The following GIGYF2 variants were observed in gnomAD, a reference collection of about 807,000 sequenced individuals.
The protein encoded by GIGYF2 is GRB10-interacting GYF protein 2.
Under a neutral mutation model 208.1 loss-of-function variants are expected in GIGYF2, and 25 were observed. That is an observed-to-expected ratio of 0.12 (90% CI 0.09 to 0.17). The LOEUF is 0.17. Ranked by LOEUF, GIGYF2 falls within the 10% of genes least tolerant of loss-of-function variation. GIGYF2 has a pLI of 1.00. For missense variants in GIGYF2, 1,302 were observed against 1,579.4 expected (o/e 0.82, Z 2.98); for synonymous variants, 534 against 543.8 (o/e 0.98, Z 0.25).
chr2:232,700,864 G>T (rs1319717264), intron 1 of GIGYF2, among the ~76,000 whole-genome samples: 2 of 152,084 alleles, frequency 1.3e-5, no homozygotes, highest in Non-Finnish European at 2.9e-5. Context: ...TTTAAAATAA[G>T]ATAAAAAAGT....
chr2:232,768,744 ACTG>A (rs1433092922), intron 8 of GIGYF2: 3 of 1,601,512 alleles, frequency 1.9e-6, no homozygotes, highest in African/African-American at 1.3e-5. Flanking sequence ...GTGAGCTACT[ACTG>A]CTGTGTCAGT....
At chr2:232,760,080 C>T in intron 6 of GIGYF2, 1 of 167,102 alleles carries the variant, frequency 6.0e-6, no homozygotes, top group Non-Finnish European at 1.3e-5. Flanking sequence ...TAACTTTAGC[C>T]CCTGTCTTCT....
intron 14 of GIGYF2, among the ~76,000 whole-genome samples, chr2:232,798,828 A>G (rs1249146160): frequency 6.6e-6 from 1 of 151,506 alleles, no homozygotes; most frequent in Non-Finnish European, 1.5e-5. Context: ...GTTAAAATAC[A>G]CTTAAAATTT....
Position 232,809,774 on chromosome 2 carries a change from C to G in GIGYF2, c.1861C>G (p.Gln621Glu). The G allele has an allele frequency of 6.2e-7, 1 of 1,609,400 alleles. No homozygotes were observed. Among genetic ancestry groups the G allele is most frequent in the East Asian group, 2.2e-5 (1 of 44,854 alleles). ...GCAGCAAGAACTCACAGCCTTATAC[C>G]AGATGCAGCACCTGCAGTACCAGCA... ...TRQQELTALY[Q>E]MQHLQYQQFL... Residue 621 changes from glutamine (Q) to glutamate (E), a missense_variant, in exon 16 of 29, where the codon CAG (glutamine) becomes GAG (glutamate). This residue lies in a region of GIGYF2 where 701 missense variants were observed against 793.0 expected (regional missense o/e 0.88). Coordinates refer to ENST00000373563, the MANE Select transcript of GIGYF2 (RefSeq NM_001103146.3).
Position 232,816,980 on chromosome 2 carries a change from A to C in GIGYF2, c.2318A>C (p.Gln773Pro), listed in dbSNP as rs1476906578. 1 of 1,613,130 alleles carries C rather than the reference A, an allele frequency of 6.2e-7. No homozygotes were observed. The highest frequency in any genetic ancestry group is 8.5e-7 in the Non-Finnish European group (1 of 1,179,182). Residue 773 changes from glutamine to proline, a missense_variant, in exon 20 of 29, where the codon CAG becomes CCG. Physicochemically the swap from Gln to Pro is moderately conservative, Grantham distance 76. Around this residue, in one of 8 missense-constraint regions of GIGYF2, gnomAD observed 701 missense variants for 793.0 expected, o/e 0.88. Coordinates refer to ENST00000373563, the MANE Select transcript of GIGYF2 (RefSeq NM_001103146.3). ...CAGGAGGAAATTCTTCGGCGACAGCAGGAAGAAGAAAGGAAAAGGCGAGAG... is the reference window on the plus strand; with the variant it reads ...CAGGAGGAAATTCTTCGGCGACAGCCGGAAGAAGAAAGGAAAAGGCGAGAG... ...RQQEEILRRQ[Q>P]EEERKRREEE...
At chr2:232,793,162 CTT>C (rs1700122400) in intron 12 of GIGYF2, among the ~76,000 whole-genome samples, 1 of 152,098 alleles carries the variant, frequency 6.6e-6, no homozygotes. Context: ...GAAATCAGCT[CTT>C]GTTTTTATTT....
intron 19 of GIGYF2, chr2:232,816,058 A>G (rs1190481914): frequency 5.6e-6 from 2 of 359,992 alleles, no homozygotes; most frequent in South Asian, 2.5e-5. Context: ...TATCCACTAC[A>G]TTGTTTATGA....
At chr2:232,723,181 A>T (rs1174303901) in intron 2 of GIGYF2, among the ~76,000 whole-genome samples, 1 of 152,088 alleles carries the variant, frequency 6.6e-6, no homozygotes, top group African/African-American at 2.4e-5. Context: ...AAGCATTCTA[A>T]GTCATTTGGA....
At chr2:232,743,117 G>C (rs1698030384) in intron 3 of GIGYF2, among the ~76,000 whole-genome samples, 1 of 152,152 alleles carries the variant, frequency 6.6e-6, no homozygotes. Context: ...GGGGCCTGCT[G>C]CTGCCACTTA....
intron 2 of GIGYF2, among the ~76,000 whole-genome samples, chr2:232,708,422 T>C (rs567065629): frequency 2.6e-5 from 4 of 151,924 alleles, no homozygotes; most frequent in Non-Finnish European, 1.5e-5. Context: ...AAAGTGACAA[T>C]GTACAAAATG....
At chr2:232,781,465 A>G (rs1310352927) in intron 8 of GIGYF2, among the ~76,000 whole-genome samples, 1 of 147,156 alleles carries the variant, frequency 6.8e-6, no homozygotes, top group East Asian at 2.0e-4. Context: ...ATTTTTAGTT[A>G]TATTAGTAGT....
intron 9 of GIGYF2, chr2:232,788,138 G>A (rs187660420): frequency 6.5e-6 from 1 of 153,856 alleles, no homozygotes; most frequent in Admixed American, 6.4e-5. Flanking sequence ...CCATGTGCCA[G>A]AGGGGCTTAC....
At chr2:232,740,511 T>C (rs1222040970) in intron 3 of GIGYF2, among the ~76,000 whole-genome samples, 1 of 152,230 alleles carries the variant, frequency 6.6e-6, no homozygotes, top group Non-Finnish European at 1.5e-5. Flanking sequence ...AAGTATTTTA[T>C]TTATACATTT....
intron 17 of GIGYF2, 116 bp downstream of exon 17, chr2:232,811,467 T>TA: frequency 1.4e-6 from 1 of 721,010 alleles, no homozygotes; most frequent in Non-Finnish European, 2.6e-6. Context: ...TCCCAACACA[T>TA]ACCTGCATGT....
At chr2:232,841,566 C>T (rs1174146419) in intron 23 of GIGYF2, among the ~76,000 whole-genome samples, 5 of 151,912 alleles carry the variant, frequency 3.3e-5, no homozygotes, top group Admixed American at 1.3e-4. Context: ...CCACCCGCCT[C>T]GGCCTCCCAA....
chr2:232,767,017 C>G (rs1698994601), intron 8 of GIGYF2: 1 of 151,924 alleles, frequency 6.6e-6, no homozygotes, highest in Non-Finnish European at 1.5e-5. Flanking sequence ...TCATCTTAAA[C>G]TGGACATAAG....
chr2:232,834,061 A>AT (rs1701505253), intron 22 of GIGYF2, among the ~76,000 whole-genome samples: 1 of 152,090 alleles, frequency 6.6e-6, no homozygotes. Flanking sequence ...TGCCTGCCAG[A>AT]TAAGTTTCAG....
chr2:232,803,404 G>T (rs1255339050), intron 14 of GIGYF2, among the ~76,000 whole-genome samples: 1 of 152,022 alleles, frequency 6.6e-6, no homozygotes, highest in Non-Finnish European at 1.5e-5. Flanking sequence ...AGAACACTTT[G>T]CCTAGCTTTA....
chr2:232,697,342 T>G lies in GIGYF2; in HGVS notation c.-160T>G, dbSNP rs1304885847. On this transcript the variant is annotated 5_prime_UTR_variant, in exon 1 of 29. Coordinates refer to ENST00000373563, the MANE Select transcript of GIGYF2 (RefSeq NM_001103146.3). ...GCGACGTGTCGGCCATCTTGTGTTG[T>G]TGAGGCTGAGGACTGACTGGGGTTC... is the stretch of plus-strand genomic sequence containing the variant. 6.5e-6 allele frequency: 1 copy of G among 152,810 alleles called. No homozygotes were observed. The allele number at this position is 152,810 out of a possible 1,614,324, so 9.5% of individuals were successfully genotyped here.
Sources: gnomAD v4.1 joint callset for allele counts (sites outside exome capture counted in the v4.1 genomes callset) on GRCh38, gnomAD v4.1.1 for gene constraint, gnomAD v4.1.1 regional missense constraint, MANE v1.5 for transcripts, NCBI Gene and HGNC (gene_info 2026-07-23, HGNC 2026-07-21) for gene names.